The following DNAJC13 variants were observed in gnomAD, a reference collection of about 807,000 sequenced individuals.
The protein encoded by DNAJC13 is dnaJ homolog subfamily C member 13.
In DNAJC13, 75 loss-of-function variants were observed where a neutral mutation model predicts 290.5. The observed-to-expected ratio is 0.26, with a 90% CI of 0.21 to 0.31. The LOEUF is 0.31. Among genes scored for constraint, DNAJC13 ranks in the 10% least tolerant of loss-of-function variants. DNAJC13 has a pLI of 1.00. For missense variants in DNAJC13, 2,260 were observed against 2,674.5 expected, an observed-to-expected ratio of 0.85 and a Z score of 3.42; for synonymous variants, 862 against 892.0, an observed-to-expected ratio of 0.97 and a Z score of 0.60.
chr3:132,528,942 A>G (rs1936336484), intron 54 of DNAJC13, among the ~76,000 whole-genome samples: 2 of 151,944 alleles, frequency 1.3e-5, no homozygotes, highest in Non-Finnish European at 2.9e-5. Flanking sequence ...CCATCTACTA[A>G]TGCTCATTTT....
chr3:132,459,990 G>A (rs1352527671), intron 13 of DNAJC13, among the ~76,000 whole-genome samples: 1 of 152,132 alleles, frequency 6.6e-6, no homozygotes, highest in Non-Finnish European at 1.5e-5. Flanking sequence ...CTTTTAATAA[G>A]ATCTGTGACT....
chr3:132,478,104 T>A lies in DNAJC13; in HGVS notation c.2673T>A (p.Phe891Leu). ...GATGTCACGAAGAAATAGGACCTTT[T>A]ACAGATACCAGATATATCATTGGAA... ...YGRCHEEIGP[F>L]TDTRYIIGML... is the part of the protein sequence containing the mutation. The change falls in exon 24 of 56, where the codon TTT becomes TTA. Residue 891 changes from phenylalanine (F) to leucine (L), a missense_variant. Transcript: ENST00000260818. 1 of 1,612,932 alleles carries A rather than the reference T, an allele frequency of 6.2e-7. No homozygotes were observed. Among genetic ancestry groups the A allele is most frequent in the African/African-American group, 1.3e-5 (1 of 74,960 alleles).
chr3:132,466,269 T>TTGTTTTGAAAATGGATTTTG, intron 18 of DNAJC13, 30 bp from the exon 19 acceptor site: 1 of 1,561,942 alleles, frequency 6.4e-7, no homozygotes, highest in Non-Finnish European at 8.6e-7. Flanking sequence ...CTTTTTCACA[T>TTGTTTTGAAAATGGATTTTG]TGTTTTGAAA....
At chr3:132,505,712 A>G (rs1484213711) in intron 42 of DNAJC13, among the ~76,000 whole-genome samples, 1 of 152,214 alleles carries the variant, frequency 6.6e-6, no homozygotes, top group Non-Finnish European at 1.5e-5. Flanking sequence ...TAGTAAGTGA[A>G]AGGTGCTTTC....
intron 15 of DNAJC13, 118 bp from the exon 16 acceptor site, chr3:132,462,349 C>T (rs998722568): frequency 1.1e-4 from 96 of 887,396 alleles, no homozygotes; most frequent in Middle Eastern, 4.9e-4. Flanking sequence ...GTATCCTTTA[C>T]TAATTTTGTG....
Position 132,503,278 on chromosome 3 carries a change from C to T in DNAJC13, c.4781C>T (p.Ala1594Val). The T allele has an allele frequency of 6.2e-7, 1 of 1,614,068 alleles. No individual in the cohort carries two copies. Among genetic ancestry groups the T allele is most frequent in the Non-Finnish European group, 8.5e-7 (1 of 1,179,990 alleles). The change falls in exon 41 of 56, where the codon GCT becomes GTT. Residue 1594 changes from alanine to valine, a missense_variant. This residue lies in a region of DNAJC13 where 1,494 missense variants were observed against 1,693.7 expected (regional missense o/e 0.88). Transcript: ENST00000260818. ...CTGAGTCGCCTTGGAGGGTATTTGG[C>T]TGAAGAACAAGCAACTCCAGAAAAT... ...HALSRLGGYL[A>V]EEQATPENPT...
chr3:132,503,958 G>A (rs1274304418), intron 41 of DNAJC13, among the ~76,000 whole-genome samples: 8 of 148,952 alleles, frequency 5.4e-5, no homozygotes, highest in Admixed American at 3.3e-4. Context: ...AGTTAAACAG[G>A]TTACTATTAT....
At position 132,516,714 on chromosome 3, in the gene DNAJC13, C is replaced by T; in HGVS notation, c.5571C>T (p.Ile1857=). The T allele has an allele frequency of 4.3e-6, 7 of 1,611,220 alleles. No individual in the cohort carries two copies. The highest frequency in any genetic ancestry group is 5.9e-6 in the Non-Finnish European group (7 of 1,179,158). Residue 1857 remains isoleucine, a synonymous_variant, in exon 48 of 56, where the codon ATC becomes ATT. Transcript: ENST00000260818. ...IKEAMAKGAL[I]YLLDMFCNST... ...CTTTTTCCTTCATAGGTGCTTTGAT[C>T]TATTTACTGGATATGTTCTGCAATT...
Position 132,494,213 on chromosome 3 carries a change from A to G in DNAJC13, c.3895A>G (p.Ile1299Val), listed in dbSNP as rs754076284. The G allele has an allele frequency of 2.6e-5, 42 of 1,613,186 alleles. No homozygotes were observed. The highest frequency in any genetic ancestry group is 3.3e-5 in the South Asian group (3 of 90,900). The change falls in exon 34 of 56, where the codon ATA becomes GTA. Residue 1299 changes from isoleucine (I) to valine (V), a missense_variant. Coordinates refer to ENST00000260818, the MANE Select transcript of DNAJC13 (RefSeq NM_015268.4). ...AGAAAAGAAGCCACCTATGATGTCA[A>G]TAGATGATGCTTATGAAGTGCTTAA... The part of the protein sequence containing the change: ...EVEKKPPMMS[I>V]DDAYEVLNLP...
Position 132,491,643 on chromosome 3 carries a change from G to A in DNAJC13, c.3623+592G>A, listed in dbSNP as rs1437937103. Among the ~76,000 whole-genome samples the A allele has an allele frequency of 4.6e-5, 7 of 152,270 alleles. No homozygotes were observed. In the South Asian group the frequency reaches 8.3e-4, roughly 18 times the overall value. ...AGAAGCAGATAACAGTGCCCAGCCA[G>A]TTTCTGTTCAGAAAAGACTTGATAC... On this transcript the variant is annotated intron_variant, in intron 32 of 55. Coordinates refer to ENST00000260818, the MANE Select transcript of DNAJC13 (RefSeq NM_015268.4).
intron 43 of DNAJC13, among the ~76,000 whole-genome samples, chr3:132,509,447 A>C (rs1935701997): frequency 6.6e-6 from 1 of 152,230 alleles, no homozygotes; most frequent in African/African-American, 2.4e-5. Flanking sequence ...CTTGAGATGA[A>C]ATCTTGTGAA....
chr3:132,522,811 C>T lies in DNAJC13; in HGVS notation c.5674-17C>T. 1 of 1,575,660 alleles carries T rather than the reference C, an allele frequency of 6.3e-7. No individual in the cohort carries two copies. Among genetic ancestry groups the T allele is most frequent in the South Asian group, 1.2e-5 (1 of 83,956 alleles). Reference sequence around the variant, plus strand: ...TTCCAATAGGTGTCTTTTTCATTCTCAAACTTCCTCGTATAGGTTCGAATT... The same window carrying T: ...TTCCAATAGGTGTCTTTTTCATTCTTAAACTTCCTCGTATAGGTTCGAATT... On this transcript the variant is annotated splice_polypyrimidine_tract_variant and intron_variant, in intron 48 of 55. Transcript: ENST00000260818.
At chr3:132,474,560 G>A (rs893116548) in intron 21 of DNAJC13, among the ~76,000 whole-genome samples, 2 of 151,702 alleles carry the variant, frequency 1.3e-5, no homozygotes, top group Non-Finnish European at 2.9e-5. Context: ...TTTTCTGACT[G>A]AAATTTGTAT....
chr3:132,478,955 C>G lies in DNAJC13; in HGVS notation c.2710-272C>G, dbSNP rs73860740. ...TTCACTTACATTATTTCACTTACTT[C>G]AATTTTTACTTATCTCCTTAAAGCT... On this transcript the variant is annotated intron_variant, in intron 24 of 55. Coordinates refer to ENST00000260818, the MANE Select transcript of DNAJC13 (RefSeq NM_015268.4). Among the ~76,000 whole-genome samples, 18,655 of 152,120 alleles carry G rather than the reference C, an allele frequency of 0.12. 1,664 individuals carry two copies. Among genetic ancestry groups the G allele is most frequent in the East Asian group, 0.53 (2,758 of 5,160 alleles).
intron 13 of DNAJC13, among the ~76,000 whole-genome samples, chr3:132,459,764 C>T (rs528212233): frequency 6.6e-6 from 1 of 152,084 alleles, no homozygotes; most frequent in Non-Finnish European, 1.5e-5. Context: ...AACTTAGAGA[C>T]TTATGTAAAG....
In DNAJC13 at chr3:132,473,125, GAA is replaced by G; in HGVS notation, c.2209-19_2209-18del. 1 of 1,573,916 alleles carries G rather than the reference GAA, an allele frequency of 6.4e-7. No individual in the cohort carries two copies. Among genetic ancestry groups the G allele is most frequent in the Non-Finnish European group, 8.7e-7 (1 of 1,148,570 alleles). ...TTGGTAGCCCCAGATTGAGCACTAT[GAA>G]GTTTTTTTCTGTTCCAGAATATAAA... On this transcript the variant is annotated intron_variant, in intron 20 of 55. Coordinates refer to ENST00000260818, the MANE Select transcript of DNAJC13 (RefSeq NM_015268.4).
intron 20 of DNAJC13, among the ~76,000 whole-genome samples, chr3:132,469,331 T>C (rs1934106064): frequency 6.6e-6 from 1 of 152,236 alleles, no homozygotes; most frequent in Admixed American, 6.5e-5. Flanking sequence ...CAATCTGCAT[T>C]TCTTATATAG....
At chr3:132,482,196 G>A (rs1305039460) in intron 26 of DNAJC13, 30 bp from the exon 27 acceptor site, 1 of 1,582,754 alleles carries the variant, frequency 6.3e-7, no homozygotes, top group African/African-American at 1.4e-5. Flanking sequence ...TTCTGCCTTG[G>A]AAAATAATTT....
At chr3:132,533,460 C>A (rs1936490537) in intron 55 of DNAJC13, among the ~76,000 whole-genome samples, 2 of 151,602 alleles carry the variant, frequency 1.3e-5, no homozygotes, top group Non-Finnish European at 2.9e-5. Flanking sequence ...CTTAGCCTCA[C>A]AAGTAGCTGA....
Sources: allele counts gnomAD v4.1 joint callset (sites outside exome capture counted in the v4.1 genomes callset), GRCh38; gene constraint gnomAD v4.1.1; regional missense constraint gnomAD v4.1.1; transcripts MANE v1.5; gene names NCBI Gene and HGNC (gene_info 2026-07-23, HGNC 2026-07-21).